Variants in FRY observed in about 807,000 individuals in gnomAD.
FRY encodes protein furry homolog.
A neutral mutation model predicts 348.4 loss-of-function variants in FRY; 128 were observed. The observed-to-expected ratio is 0.37, with a 90% CI of 0.32 to 0.43. FRY has a LOEUF of 0.43. Ranked by LOEUF, FRY falls within the 20% of genes least tolerant of loss-of-function variation. The pLI is 1.00. For synonymous variants in FRY, 1,370 were observed against 1,374.7 expected (o/e 1.00, Z 0.08); for missense variants, 2,736 against 3,695.2 (o/e 0.74, Z 6.73).
chr13:32,207,786 G>A (rs147966357), intron 31 of FRY, among the ~76,000 whole-genome samples: 7 of 152,246 alleles, frequency 4.6e-5, no homozygotes, highest in Non-Finnish European at 8.8e-5. Context: ...AGAAGATCCC[G>A]TGGATTATCT....
At chr13:32,133,764 C>CTTTTTTTTTTTTTTT (rs1259372646) in intron 8 of FRY, among the ~76,000 whole-genome samples, 4 of 108,476 alleles carry the variant, frequency 3.7e-5, no homozygotes, top group Non-Finnish European at 3.9e-5. Flanking sequence ...TTCTTTCTTT[C>CTTTTTTTTTTTTTTT]TTTCTTTTTT....
intron 38 of FRY, among the ~76,000 whole-genome samples, chr13:32,225,411 CA>C (rs763677690): frequency 1.3e-5 from 2 of 151,904 alleles, no homozygotes; most frequent in Non-Finnish European, 2.9e-5. Flanking sequence ...CTTTGTAGAG[CA>C]AAAATGGGAA....
chr13:32,041,355 G>A (rs2138363221), intron 1 of FRY, among the ~76,000 whole-genome samples: 1 of 136,776 alleles, frequency 7.3e-6, no homozygotes, highest in South Asian at 2.4e-4. Context: ...GTGCAGTGGT[G>A]CAATCTGGGC....
At chr13:32,210,749 T>C (rs1352252680) in intron 33 of FRY, 117 bp from the exon 34 acceptor site, 3 of 803,608 alleles carry the variant, frequency 3.7e-6, no homozygotes, top group South Asian at 2.9e-5. Context: ...AAAGATTAGC[T>C]ATCACGGTGA....
chr13:32,228,807 GAC>G (rs1207258207), intron 40 of FRY, among the ~76,000 whole-genome samples, 153 bp downstream of exon 40: 8 of 152,226 alleles, frequency 5.3e-5, no homozygotes, highest in African/African-American at 1.9e-4. Context: ...TGTGTGAACA[GAC>G]ACTGAGATAC....
In FRY at chr13:32,249,698, C is replaced by G. The variant is rs1399810430; in HGVS notation, c.7170+11C>G. On this transcript the variant is annotated intron_variant, in intron 49 of 60. Coordinates refer to ENST00000542859, the MANE Select transcript of FRY (RefSeq NM_023037.3). ...CCCCAGTATTCTCAGGTATGCAATC[C>G]TAGACCCACAGTCCTGGGAGGGAGT... The G allele has an allele frequency of 6.2e-7, 1 of 1,612,692 alleles. No individual in the cohort carries two copies. The highest frequency in any genetic ancestry group is 8.5e-7 in the Non-Finnish European group (1 of 1,178,940).
chr13:32,260,059 G>T lies in FRY; in HGVS notation c.7417-1557G>T, dbSNP rs17077349. On this transcript the variant is annotated intron_variant, in intron 51 of 60. Transcript: ENST00000542859. ...TGCCTGTTGCCTTCTACCATGAATA[G>T]CCCAAGCAGACTTTGAAAAAGCTAT... Among the ~76,000 whole-genome samples, 1,317 of 152,244 alleles carry T rather than the reference G, an allele frequency of 8.7e-3. 26 individuals are homozygous for T. The highest frequency in any genetic ancestry group is 0.03 in the African/African-American group (1,262 of 41,534).
In FRY at chr13:32,147,353, A is replaced by G. The variant is rs1047070824; in HGVS notation, c.1251A>G (p.Arg417=). The G allele has an allele frequency of 3.8e-5, 61 of 1,610,422 alleles. No individual in the cohort carries two copies. The highest frequency in any genetic ancestry group is 5.0e-5 in the Non-Finnish European group (59 of 1,176,756). The change falls in exon 12 of 61, where the codon CGA becomes CGG. Residue 417 remains arginine, a synonymous_variant. Coordinates refer to ENST00000542859, the MANE Select transcript of FRY (RefSeq NM_023037.3). ...LYRLLWVYMI[R]IKCESNTATQ... The stretch of plus-strand genomic sequence containing the variant: ...GATTACTTTGGGTTTACATGATTCG[A>G]ATTAAATGTGAAAGCAACACAGCTA...
intron 42 of FRY, among the ~76,000 whole-genome samples, chr13:32,235,048 G>A (rs553491015): frequency 1.3e-5 from 2 of 152,242 alleles, no homozygotes; most frequent in East Asian, 3.9e-4. Context: ...TTTGGCAGGC[G>A]GCCAGGGGAT....
In FRY at chr13:32,295,556, C is replaced by A; in HGVS notation, c.*96C>A. On this transcript the variant is annotated 3_prime_UTR_variant, in exon 61 of 61. Coordinates refer to ENST00000542859, the MANE Select transcript of FRY (RefSeq NM_023037.3). Reference sequence around the variant, plus strand: ...CTTCTCGGCCTTCAAAAGGCTTGGACAGACTGTTCTCCCTCTTGTTACCTG... The same window carrying A: ...CTTCTCGGCCTTCAAAAGGCTTGGAAAGACTGTTCTCCCTCTTGTTACCTG... 1.7e-6 allele frequency: 2 copies of A among 1,178,252 alleles called. No homozygotes were observed. Among genetic ancestry groups the A allele is most frequent in the Non-Finnish European group, 2.5e-6 (2 of 798,124 alleles). 73.0% of individuals were successfully genotyped at this position (1,178,252 alleles called of 1,614,324 possible). A position where few individuals can be genotyped will look rare whatever the true frequency, so the allele number is the denominator to read the frequency against.
At chr13:32,071,582 G>A (rs986172265) in intron 1 of FRY, among the ~76,000 whole-genome samples, 2 of 152,172 alleles carry the variant, frequency 1.3e-5, no homozygotes, top group African/African-American at 2.4e-5. Flanking sequence ...AGACTTTGCT[G>A]AAGTTGCTTA....
chr13:32,235,988 T>C (rs976157322), intron 42 of FRY, 90 bp from the exon 43 acceptor site: 2 of 938,852 alleles, frequency 2.1e-6, no homozygotes, highest in Admixed American at 1.9e-5. Flanking sequence ...AATAACATTA[T>C]TGGAATACAG....
In FRY at chr13:32,265,468, G is replaced by A. The variant is rs766278023; in HGVS notation, c.7798G>A (p.Glu2600Lys). Residue 2600 changes from glutamate (E) to lysine (K), a missense_variant, in exon 54 of 61, where the codon GAG becomes AAG. Physicochemically the swap from Glu to Lys is moderately conservative, Grantham distance 56 (BLOSUM62 1). Transcript: ENST00000542859. ...CTTCCAGGCTGAAGCTGTTCGTGAG[G>A]AGGAGGACACCACCGTGCATGAGGA... ...EGSKAEAVRE[E>K]EDTTVHEDDL... 1.9e-6 allele frequency: 3 copies of A among 1,614,158 alleles called. No homozygotes were observed. The highest frequency in any genetic ancestry group is 2.5e-6 in the Non-Finnish European group (3 of 1,180,020).
In FRY at chr13:32,161,268, T is replaced by C; in HGVS notation, c.1892+17T>C. The C allele has an allele frequency of 6.9e-7, 1 of 1,448,184 alleles. No homozygotes were observed. The highest frequency in any genetic ancestry group is 1.1e-5 in the South Asian group (1 of 87,796). The allele number at this position is 1,448,184 out of a possible 1,614,324, so 89.7% of individuals were successfully genotyped here. A position where few individuals can be genotyped will look rare whatever the true frequency, so the allele number is the denominator to read the frequency against. On this transcript the variant is annotated intron_variant, in intron 17 of 60. Coordinates refer to ENST00000542859, the MANE Select transcript of FRY (RefSeq NM_023037.3). ...ACTGGCTAGGTAGGTGAGAATATTATTTGGCCAAAATTAATTTCGATCCTT... is the reference window on the plus strand; with the variant it reads ...ACTGGCTAGGTAGGTGAGAATATTACTTGGCCAAAATTAATTTCGATCCTT...
chr13:32,151,807 G>A (rs192816064), intron 14 of FRY, among the ~76,000 whole-genome samples: 1 of 151,968 alleles, frequency 6.6e-6, no homozygotes, highest in African/African-American at 2.4e-5. Context: ...TAGTGCTAGC[G>A]GCAAGAAGAA....
intron 2 of FRY, among the ~76,000 whole-genome samples, chr13:32,090,350 CAAAAAAAAAAA>C (rs34392238): frequency 1.7e-4 from 10 of 58,808 alleles, no homozygotes; most frequent in Non-Finnish European, 2.5e-4. Flanking sequence ...GACTCCATCT[CAAAAAAAAAAA>C]AAAAAAAAAA....
intron 4 of FRY, among the ~76,000 whole-genome samples, chr13:32,118,759 G>C (rs1381459082): frequency 6.6e-6 from 1 of 151,974 alleles, no homozygotes; most frequent in Non-Finnish European, 1.5e-5. Flanking sequence ...CTCTCCTCAT[G>C]AATATTTTTT....
intron 1 of FRY, among the ~76,000 whole-genome samples, chr13:32,043,102 GA>G (rs1872826996): frequency 6.6e-6 from 1 of 152,200 alleles, no homozygotes; most frequent in South Asian, 2.1e-4. Flanking sequence ...GGAGGAAGGT[GA>G]AAGGCACACC....
Position 32,295,311 on chromosome 13 carries a change from C to A in FRY, c.8893C>A (p.Leu2965Met). Residue 2965 changes from leucine to methionine, a missense_variant, in exon 61 of 61, where the codon CTG becomes ATG. Leu to Met is a conservative substitution (Grantham distance 15). Transcript: ENST00000542859. ...QTLGQTGTYA[L>M]VGSNQSLTEI... ...TCTGGGACAGACGGGTACTTATGCC[C>A]TGGTGGGGTCTAACCAGAGCCTGAC... is the stretch of plus-strand genomic sequence containing the variant. 6.2e-7 allele frequency: 1 copy of A among 1,613,834 alleles called. No individual in the cohort carries two copies. Among genetic ancestry groups the A allele is most frequent in the Non-Finnish European group, 8.5e-7 (1 of 1,179,886 alleles).
Sources: gnomAD v4.1 joint callset for allele counts (sites outside exome capture counted in the v4.1 genomes callset) on GRCh38, gnomAD v4.1.1 for gene constraint, MANE v1.5 for transcripts, NCBI Gene and HGNC (gene_info 2026-07-23, HGNC 2026-07-21) for gene names.